Variants in SPIDR observed in about 807,000 individuals in gnomAD.
The protein encoded by SPIDR is DNA repair-scaffolding protein.
Under a neutral mutation model 104.6 loss-of-function variants are expected in SPIDR, and 93 were observed. That is an observed-to-expected ratio of 0.89 (90% CI 0.75 to 1.06). The LOEUF (loss-of-function observed/expected upper bound fraction) is 1.06. SPIDR is among the 50% of genes least tolerant of loss of function. The pLI, the probability that SPIDR is intolerant of heterozygous loss-of-function variation, is 0.00. For synonymous variants in SPIDR, 431 were observed against 416.9 expected, an observed-to-expected ratio of 1.03 and a Z score of -0.41; for missense variants, 1,154 against 1,111.2, an observed-to-expected ratio of 1.04 and a Z score of -0.55.
chr8:47,308,373 T>G (rs1374887454), intron 5 of SPIDR, among the ~76,000 whole-genome samples: 1 of 151,800 alleles, frequency 6.6e-6, no homozygotes, highest in Non-Finnish European at 1.5e-5. Context: ...TGCTGTTTTT[T>G]TTTTTTTTTT....
At chr8:47,636,578 T>C (rs995841838) in intron 10 of SPIDR, among the ~76,000 whole-genome samples, 2 of 152,072 alleles carry the variant, frequency 1.3e-5, no homozygotes, top group East Asian at 3.9e-4. Flanking sequence ...CCCAGCACTT[T>C]GGGAGGCCGA....
chr8:47,445,371 T>C (rs1179021214), intron 8 of SPIDR, among the ~76,000 whole-genome samples: 2 of 152,214 alleles, frequency 1.3e-5, no homozygotes, highest in African/African-American at 2.4e-5. Flanking sequence ...ACCGTGGCCA[T>C]ATAGGATGGC....
intron 8 of SPIDR, among the ~76,000 whole-genome samples, chr8:47,594,606 G>C (rs2061439212): frequency 6.6e-6 from 1 of 152,166 alleles, no homozygotes; most frequent in Non-Finnish European, 1.5e-5. Context: ...CTTGGTTAAA[G>C]AGAGCAGGCT....
intron 8 of SPIDR, among the ~76,000 whole-genome samples, chr8:47,577,055 A>T (rs2059209696): frequency 6.6e-6 from 1 of 152,214 alleles, no homozygotes; most frequent in Non-Finnish European, 1.5e-5. Flanking sequence ...CACAGATGAG[A>T]TGCTTAGGAG....
chr8:47,334,802 A>ATT (rs1239477167), intron 5 of SPIDR, among the ~76,000 whole-genome samples: 1 of 151,876 alleles, frequency 6.6e-6, no homozygotes, highest in East Asian at 1.9e-4. Context: ...ACTGGTTTCT[A>ATT]TTTGTTGTTC....
intron 8 of SPIDR, among the ~76,000 whole-genome samples, chr8:47,539,896 A>G (rs2087767188): frequency 6.6e-6 from 1 of 152,134 alleles, no homozygotes; most frequent in Non-Finnish European, 1.5e-5. Flanking sequence ...TTTCTAGTGC[A>G]TGGATTATGG....
At chr8:47,324,726 C>T (rs1286148285) in intron 5 of SPIDR, among the ~76,000 whole-genome samples, 1 of 152,152 alleles carries the variant, frequency 6.6e-6, no homozygotes, top group East Asian at 1.9e-4. Context: ...AAGAGGAAGT[C>T]TAGGTTGATT....
In SPIDR at chr8:47,440,406, T is replaced by A. The variant is rs371683101; in HGVS notation, c.961T>A (p.Leu321Met). 4.3e-6 allele frequency: 7 copies of A among 1,614,216 alleles called. No homozygotes were observed. The African/African-American group carries it at 9.3e-5, about 22-fold the overall frequency. The stretch of plus-strand genomic sequence containing the variant: ...GCAAGTTGCCATGTGTGAGCAGTTA[T>A]TGGGGTCACCAGCCACCAGCTCCTC... Reference protein sequence around the residue: ...AMQVAMCEQLLGSPATSSSQS... With the variant: ...AMQVAMCEQLMGSPATSSSQS... Residue 321 changes from leucine (L) to methionine (M), a missense_variant, in exon 8 of 20, where the codon TTG becomes ATG. Physicochemically the swap from Leu to Met is conservative, Grantham distance 15 (BLOSUM62 2). Transcript: ENST00000297423.
At chr8:47,503,762 G>T (rs1298056010) in intron 8 of SPIDR, among the ~76,000 whole-genome samples, 3 of 152,190 alleles carry the variant, frequency 2.0e-5, no homozygotes, top group Non-Finnish European at 4.4e-5. Flanking sequence ...TGTTTTTGCA[G>T]TGGCTGGTAC....
At chr8:47,572,603 A>G (rs938679578) in intron 8 of SPIDR, among the ~76,000 whole-genome samples, 2 of 152,138 alleles carry the variant, frequency 1.3e-5, no homozygotes, top group East Asian at 3.9e-4. Flanking sequence ...TGGAGGTTGC[A>G]GCGAGCTGAG....
intron 10 of SPIDR, among the ~76,000 whole-genome samples, chr8:47,646,334 G>A (rs747967062): frequency 7.9e-5 from 12 of 152,208 alleles, no homozygotes; most frequent in Non-Finnish European, 1.5e-4. Flanking sequence ...CACCACTCCA[G>A]AGAGAGCACC....
Position 47,626,904 on chromosome 8 carries a change from T to C in SPIDR, c.1544+27708T>C, listed in dbSNP as rs567725866. 3.0e-3 allele frequency among the ~76,000 whole-genome samples: 457 copies of C among 152,140 alleles called. 3 individuals are homozygous for C. Among genetic ancestry groups the C allele is most frequent in the African/African-American group, 0.011 (443 of 41,510 alleles). On this transcript the variant is annotated intron_variant, in intron 10 of 19. Transcript: ENST00000297423. The stretch of plus-strand genomic sequence containing the variant: ...CATTACTGGGTATATACCCAAAGGA[T>C]TATAAATCATGCTGCTATAAAGACA...
chr8:47,732,749 C>A (rs1265644507), intron 19 of SPIDR: 1 of 153,034 alleles, frequency 6.5e-6, no homozygotes, highest in Non-Finnish European at 1.5e-5. Flanking sequence ...TTGGGGCTTT[C>A]CACAAGAACT....
chr8:47,394,079 G>A (rs1305854179), intron 5 of SPIDR, among the ~76,000 whole-genome samples: 6 of 152,084 alleles, frequency 3.9e-5, no homozygotes, highest in Admixed American at 1.3e-4. Context: ...GCTAATTTTT[G>A]TATTTTTAGT....
chr8:47,624,477 G>T (rs1306260752), intron 10 of SPIDR, among the ~76,000 whole-genome samples: 1 of 152,038 alleles, frequency 6.6e-6, no homozygotes, highest in African/African-American at 2.4e-5. Flanking sequence ...CAACAAAATT[G>T]ATAGACCACT....
chr8:47,658,481 A>G (rs1442929187), intron 10 of SPIDR, among the ~76,000 whole-genome samples: 1 of 151,934 alleles, frequency 6.6e-6, no homozygotes, highest in Non-Finnish European at 1.5e-5. Context: ...GACTGGCACC[A>G]GTTGTGTCAG....
intron 10 of SPIDR, among the ~76,000 whole-genome samples, chr8:47,619,118 A>G (rs910434074): frequency 1.3e-5 from 2 of 152,238 alleles, no homozygotes; most frequent in Admixed American, 6.5e-5. Context: ...TTTGTAATGA[A>G]TAATCTAAAA....
At chr8:47,355,271 T>TAAAAAAAAAAAAAAAAAAAAAAAAA (rs34902790) in intron 5 of SPIDR, among the ~76,000 whole-genome samples, 2 of 116,568 alleles carry the variant, frequency 1.7e-5, no homozygotes, top group African/African-American at 6.6e-5. Context: ...AGGTTTTTTG[T>TAAAAAAAAAAAAAAAAAAAAAAAAA]AAAAAAAAAA....
chr8:47,602,287 A>G (rs2154427133), intron 10 of SPIDR, among the ~76,000 whole-genome samples: 1 of 152,338 alleles, frequency 6.6e-6, no homozygotes, highest in African/African-American at 2.4e-5. Context: ...CACACACAGA[A>G]GAAGGAAAAT....
Sources: gnomAD v4.1 joint callset for allele counts (sites outside exome capture counted in the v4.1 genomes callset) on GRCh38, gnomAD v4.1.1 for gene constraint, MANE v1.5 for transcripts, NCBI Gene and HGNC (gene_info 2026-07-23, HGNC 2026-07-21) for gene names.